The following MYO16 variants were observed in gnomAD, a reference collection of about 807,000 sequenced individuals.
MYO16 encodes the protein myosin XVI.
A neutral mutation model predicts 205.3 loss-of-function variants in MYO16; 94 were observed. The ratio of observed to expected loss-of-function variants is 0.46; its 90% confidence interval spans 0.39 to 0.54. The LOEUF (loss-of-function observed/expected upper bound fraction) is 0.54, where lower values mean the gene tolerates loss of function less well. Ranked by LOEUF, MYO16 falls within the 20% of genes least tolerant of loss-of-function variation. The pLI, the probability that MYO16 is intolerant of heterozygous loss-of-function variation, is 0.00. For missense variants in MYO16, 2,315 were observed against 2,387.5 expected (o/e 0.97, Z 0.63); for synonymous variants, 988 against 954.0 (o/e 1.04, Z -0.66).
chr13:109,017,612 A>G (rs1885873484), intron 22 of MYO16, among the ~76,000 whole-genome samples: 2 of 152,074 alleles, frequency 1.3e-5, no homozygotes, highest in South Asian at 4.1e-4. Flanking sequence ...TCAAACGTAG[A>G]TTTGGTCTTG....
At chr13:109,087,617 G>A (rs1310963387) in intron 27 of MYO16, among the ~76,000 whole-genome samples, 1 of 152,168 alleles carries the variant, frequency 6.6e-6, no homozygotes, top group Non-Finnish European at 1.5e-5. Flanking sequence ...CTGCACTCCA[G>A]CCTGGGTGAC....
chr13:108,706,963 AG>A (rs1265701555), intron 2 of MYO16, among the ~76,000 whole-genome samples: 14 of 152,174 alleles, frequency 9.2e-5, no homozygotes, highest in Admixed American at 2.0e-4. Flanking sequence ...TCCCTTGCCA[AG>A]GCTGGAACCT....
Position 109,143,722 on chromosome 13 carries a change from GTGGTA to G in MYO16, c.5164+2348_5164+2352del, listed in dbSNP as rs1028000759. Among the ~76,000 whole-genome samples, 22 of 152,296 alleles carry G rather than the reference GTGGTA, an allele frequency of 1.4e-4. 1 individual carries two copies. Among genetic ancestry groups the G allele is most frequent in the Admixed American group, 1.2e-3 (18 of 15,300 alleles). ...AATTTGCTAATTTTATTTCCCTGTG[GTGGTA>G]TTAACCAGTATTTGGGAACACACAT... On this transcript the variant is annotated intron_variant, in intron 32 of 34. Transcript: ENST00000457511.
At chr13:109,030,925 A>G (rs757388458) in intron 23 of MYO16, among the ~76,000 whole-genome samples, 6 of 152,082 alleles carry the variant, frequency 3.9e-5, no homozygotes, top group Admixed American at 6.6e-5. Context: ...AGTACAAGCT[A>G]CTGTCTTTCT....
At chr13:108,820,050 A>G (rs1370374265) in intron 7 of MYO16, among the ~76,000 whole-genome samples, 1 of 152,240 alleles carries the variant, frequency 6.6e-6, no homozygotes, top group Non-Finnish European at 1.5e-5. Context: ...TCCTAAAAAT[A>G]CGTATAATAT....
chr13:108,957,704 A>G lies in MYO16; in HGVS notation c.1942A>G (p.Ile648Val). Residue 648 changes from isoleucine (I) to valine (V), a missense_variant, in exon 17 of 35, where the codon ATA (isoleucine) becomes GTA (valine). Ile to Val is a conservative substitution (Grantham distance 29). Around this residue, in one of 3 missense-constraint regions of MYO16, gnomAD observed 1,213 missense variants for 1,274.4 expected, o/e 0.95. Coordinates refer to ENST00000457511, the MANE Select transcript of MYO16 (RefSeq NM_001198950.3). ...LCAHRYLNQT[I>V]QDDASTGERS... is the part of the protein sequence containing the mutation. ...TCCTAACAGGTATTTGAACCAGACC[A>G]TACAGGATGATGCATCCACAGGGGA... 6.2e-7 allele frequency: 1 copy of G among 1,612,838 alleles called. No homozygotes were observed.
chr13:108,850,882 T>C (rs889500172), intron 10 of MYO16, among the ~76,000 whole-genome samples: 1 of 152,198 alleles, frequency 6.6e-6, no homozygotes, highest in African/African-American at 2.4e-5. Flanking sequence ...GTACTTTCTC[T>C]GACCCATGTA....
intron 5 of MYO16, among the ~76,000 whole-genome samples, chr13:108,790,542 A>G (rs190302772): frequency 1.3e-5 from 2 of 152,210 alleles, no homozygotes; most frequent in African/African-American, 4.8e-5. Flanking sequence ...GAATGGACCC[A>G]TTATCCGTTA....
At chr13:109,199,149 T>C (rs1487546075) in intron 34 of MYO16, among the ~76,000 whole-genome samples, 2 of 142,858 alleles carry the variant, frequency 1.4e-5, no homozygotes, top group African/African-American at 5.1e-5. Flanking sequence ...CAGACTTTCC[T>C]CCATAAAGCT....
chr13:109,158,055 T>C (rs1878161254), intron 32 of MYO16, among the ~76,000 whole-genome samples: 2 of 152,186 alleles, frequency 1.3e-5, no homozygotes, highest in Non-Finnish European at 2.9e-5. Context: ...GCTCCCTAGC[T>C]TGGGGGAGGA....
chr13:108,665,870 C>T lies in MYO16; in HGVS notation c.29-16C>T. On this transcript the variant is annotated splice_polypyrimidine_tract_variant and intron_variant, in intron 1 of 34. Transcript: ENST00000457511. ...TAATAATAGGTCTGGTGACGCTCCC[C>T]TTGCATTTCTTCCAGGTTGCTTTCA... The T allele has an allele frequency of 6.2e-7, 1 of 1,610,168 alleles. No individual in the cohort carries two copies. Among genetic ancestry groups the T allele is most frequent in the South Asian group, 1.1e-5 (1 of 90,364 alleles).
intron 34 of MYO16, among the ~76,000 whole-genome samples, chr13:109,191,944 TATC>T (rs1347015903): frequency 2.0e-5 from 3 of 152,214 alleles, no homozygotes; most frequent in African/African-American, 7.2e-5. Flanking sequence ...CTGCTCAAGA[TATC>T]AGAGAGTTGG....
At chr13:109,189,581 C>A (rs908940093) in intron 34 of MYO16, among the ~76,000 whole-genome samples, 14 of 152,344 alleles carry the variant, frequency 9.2e-5, no homozygotes, top group Non-Finnish European at 2.1e-4. Context: ...CCCTCTATCA[C>A]CCATCTTTAC....
At chr13:108,537,947 C>T in the MYO16 span, among the ~76,000 whole-genome samples, 1 of 152,012 alleles carries the variant, frequency 6.6e-6, no homozygotes, top group Non-Finnish European at 1.5e-5. Context: ...AAAATATTTT[C>T]TCCCATTCTG....
chr13:108,538,767 A>C, the MYO16 span, among the ~76,000 whole-genome samples: 13 of 152,176 alleles, frequency 8.5e-5, no homozygotes, highest in East Asian at 2.5e-3. Context: ...ATGGCTAGAA[A>C]ACTCAAAATC....
intron 28 of MYO16, among the ~76,000 whole-genome samples, chr13:109,106,124 C>T (rs961736794): frequency 6.6e-6 from 1 of 152,194 alleles, no homozygotes; most frequent in Non-Finnish European, 1.5e-5. Context: ...TGACTAACTT[C>T]TAGTGCTGTT....
chr13:108,771,818 T>C (rs1274096221), intron 4 of MYO16, among the ~76,000 whole-genome samples: 1 of 152,226 alleles, frequency 6.6e-6, no homozygotes, highest in East Asian at 1.9e-4. Flanking sequence ...TGTCTTTTCA[T>C]GGCTTCATAG....
At chr13:108,888,874 G>A (rs374670183) in intron 14 of MYO16, among the ~76,000 whole-genome samples, 112 of 152,116 alleles carry the variant, frequency 7.4e-4, no homozygotes, top group African/African-American at 2.6e-3. Context: ...GGCCAACATT[G>A]TGAAACCTCG....
intron 5 of MYO16, among the ~76,000 whole-genome samples, chr13:108,787,903 A>G (rs542068770): frequency 1.2e-4 from 18 of 152,208 alleles, no homozygotes; most frequent in Middle Eastern, 3.4e-3. Flanking sequence ...TCCTCCCACT[A>G]TCTCCATCAT....
Sources: allele counts gnomAD v4.1 joint callset (sites outside exome capture counted in the v4.1 genomes callset), GRCh38; gene constraint gnomAD v4.1.1; regional missense constraint gnomAD v4.1.1; transcripts MANE v1.5; gene names NCBI Gene and HGNC (gene_info 2026-07-23, HGNC 2026-07-21).